Variants in GABRB3 observed in about 807,000 individuals in gnomAD.
GABRB3 encodes the protein gamma-aminobutyric acid receptor subunit beta-3.
Under a neutral mutation model 52.1 loss-of-function variants are expected in GABRB3, and 14 were observed. The ratio of observed to expected loss-of-function variants is 0.27; its 90% CI spans 0.18 to 0.42. The LOEUF (loss-of-function observed/expected upper bound fraction) is 0.42, where lower values mean the gene tolerates loss of function less well. GABRB3 is among the 10% of genes least tolerant of loss of function. GABRB3 has a pLI of 1.00. For missense variants in GABRB3, 307 were observed against 609.1 expected, an observed-to-expected ratio of 0.50 and a Z score of 5.22; for synonymous variants, 260 against 232.3, an observed-to-expected ratio of 1.12 and a Z score of -1.08.
At chr15:26,677,645 C>T (rs924266610) in intron 3 of GABRB3, among the ~76,000 whole-genome samples, 4 of 152,128 alleles carry the variant, frequency 2.6e-5, no homozygotes, top group Non-Finnish European at 4.4e-5. Flanking sequence ...AGACAATTTA[C>T]GGTAAAGGGA....
chr15:26,758,589 T>A (rs1278155836), intron 3 of GABRB3, among the ~76,000 whole-genome samples: 1 of 152,094 alleles, frequency 6.6e-6, no homozygotes, highest in Admixed American at 6.5e-5. Flanking sequence ...ATCTGCCCCA[T>A]TAATTGACCT....
chr15:26,702,122 C>G (rs920645836), intron 3 of GABRB3, among the ~76,000 whole-genome samples: 3 of 152,048 alleles, frequency 2.0e-5, no homozygotes, highest in Admixed American at 6.6e-5. Flanking sequence ...AAATGTAAAA[C>G]CTAAAACTAT....
chr15:26,714,277 C>A (rs1391482058), intron 3 of GABRB3, among the ~76,000 whole-genome samples: 1 of 152,164 alleles, frequency 6.6e-6, no homozygotes, highest in Non-Finnish European at 1.5e-5. Flanking sequence ...TGAACTATAA[C>A]AATGCCCCCA....
chr15:26,592,158 G>T (rs758532693), intron 4 of GABRB3, among the ~76,000 whole-genome samples: 8 of 152,134 alleles, frequency 5.3e-5, no homozygotes. Context: ...TGTCACTCAA[G>T]ACTCTACCCA....
At chr15:26,583,238 A>T (rs564437561) in intron 5 of GABRB3, 94 bp downstream of exon 5, 2 of 1,023,922 alleles carry the variant, frequency 2.0e-6, no homozygotes, top group African/African-American at 1.6e-5. Context: ...TATGTCAAAA[A>T]AATTATGGAT....
intron 3 of GABRB3, among the ~76,000 whole-genome samples, chr15:26,741,045 AGTGTGTGT>A (rs55860555): frequency 2.9e-4 from 16 of 55,222 alleles, no homozygotes; most frequent in African/African-American, 6.1e-4. Context: ...GGGAGGAATA[AGTGTGTGT>A]GTGTGTGTGT....
chr15:26,563,008 A>C (rs183551959), intron 7 of GABRB3, among the ~76,000 whole-genome samples: 49 of 152,340 alleles, frequency 3.2e-4, no homozygotes, highest in African/African-American at 1.2e-3. Flanking sequence ...AAATGTGAAA[A>C]CACCACATAA....
intron 3 of GABRB3, among the ~76,000 whole-genome samples, chr15:26,623,828 C>G (rs1173726949): frequency 2.0e-5 from 3 of 152,140 alleles, no homozygotes; most frequent in African/African-American, 7.2e-5. Flanking sequence ...AAAGGCATTT[C>G]CCCTCCCTCT....
chr15:26,731,065 T>C (rs932899602), intron 3 of GABRB3, among the ~76,000 whole-genome samples: 1 of 83,330 alleles, frequency 1.2e-5, no homozygotes, highest in Non-Finnish European at 2.1e-5. Flanking sequence ...TCTCACTCGC[T>C]CTCGCTCTCT....
At chr15:26,584,198 G>A (rs755227120) in intron 4 of GABRB3, among the ~76,000 whole-genome samples, 1 of 152,114 alleles carries the variant, frequency 6.6e-6, no homozygotes, top group Non-Finnish European at 1.5e-5. Context: ...AAACTTACTA[G>A]GTCTTATTGA....
chr15:26,722,140 A>C (rs1889657767), intron 3 of GABRB3, among the ~76,000 whole-genome samples: 1 of 152,166 alleles, frequency 6.6e-6, no homozygotes, highest in South Asian at 2.1e-4. Flanking sequence ...GCTCAGATAT[A>C]GTTTGCCCCA....
intron 3 of GABRB3, among the ~76,000 whole-genome samples, chr15:26,691,305 G>A (rs1343052675): frequency 2.0e-5 from 3 of 151,992 alleles, no homozygotes; most frequent in African/African-American, 7.3e-5. Context: ...TAAATTTCCT[G>A]GTACGGAAGG....
chr15:26,700,826 C>T (rs61623041), intron 3 of GABRB3, among the ~76,000 whole-genome samples: 3,309 of 152,274 alleles, frequency 0.022, 105 homozygotes, highest in African/African-American at 0.075. Context: ...GAGGCCGAGG[C>T]GGGCAGATCA....
intron 3 of GABRB3, among the ~76,000 whole-genome samples, chr15:26,650,549 C>T (rs1595508648): frequency 1.3e-5 from 2 of 152,026 alleles, no homozygotes; most frequent in Admixed American, 1.3e-4. Context: ...GGGTGGGTAC[C>T]CAGTGAAGCC....
chr15:26,630,847 C>CT (rs1342064419), intron 3 of GABRB3, among the ~76,000 whole-genome samples: 1 of 152,194 alleles, frequency 6.6e-6, no homozygotes, highest in Non-Finnish European at 1.5e-5. Flanking sequence ...GCTCAAATTG[C>CT]TTTCAATACT....
At chr15:26,693,079 G>C (rs1888635064) in intron 3 of GABRB3, among the ~76,000 whole-genome samples, 1 of 152,094 alleles carries the variant, frequency 6.6e-6, no homozygotes, top group East Asian at 1.9e-4. Flanking sequence ...CAAATATTAA[G>C]GATCTAATGT....
At position 26,621,159 on chromosome 15, in the gene GABRB3, T is replaced by C. The variant is rs1169620302; in HGVS notation, c.461+155A>G. On this transcript the variant is annotated intron_variant, in intron 4 of 8. Coordinates refer to ENST00000311550, the MANE Select transcript of GABRB3 (RefSeq NM_000814.6). This position sits in a 1 kb window ranked among gnomAD's most constrained non-coding sequence, Gnocchi z 4.1. ...ACAGTAATGCCCCAAATTTTATGGT[T>C]ATGAGATTTTTTTTTCTGCAAAGCT... is the stretch of plus-strand genomic sequence containing the variant. Among the ~76,000 whole-genome samples, 1 of 96,964 alleles carries C rather than the reference T, an allele frequency of 1.0e-5. No individual in the cohort carries two copies. Among genetic ancestry groups the C allele is most frequent in the Non-Finnish European group, 2.0e-5 (1 of 50,282 alleles). 63.6% of individuals were successfully genotyped at this position (96,964 alleles called of 152,430 possible).
intron 3 of GABRB3, among the ~76,000 whole-genome samples, chr15:26,656,125 C>G (rs376917320): frequency 2.6e-5 from 4 of 152,160 alleles, no homozygotes; most frequent in African/African-American, 7.2e-5. Flanking sequence ...TAGAGCTTGC[C>G]TCCTCTGTCA....
intron 7 of GABRB3, among the ~76,000 whole-genome samples, chr15:26,564,630 C>A (rs1890098897): frequency 6.6e-6 from 1 of 152,110 alleles, no homozygotes; most frequent in South Asian, 2.1e-4. Context: ...AGGATGAATG[C>A]AAAAAGCACT....
Sources: allele counts gnomAD v4.1 joint callset (sites outside exome capture counted in the v4.1 genomes callset), GRCh38; gene constraint gnomAD v4.1.1; non-coding constraint Gnocchi (gnomAD v3.1); transcripts MANE v1.5; gene names NCBI Gene and HGNC (gene_info 2026-07-23, HGNC 2026-07-21).